KIF6: variants seen among roughly 807,000 people sequenced by gnomAD.
KIF6 encodes kinesin family member 6, also known as kinesin-like protein KIF6.
KIF6 carries 106 observed loss-of-function variants against 112.7 expected under a neutral mutation model. The observed-to-expected ratio is 0.94, with a 90% confidence interval of 0.80 to 1.11. KIF6 has a LOEUF of 1.11. Among genes scored for constraint, KIF6 ranks in the 50% least tolerant of loss-of-function variants. KIF6 has a pLI of 0.00. For missense variants in KIF6, 929 were observed against 964.0 expected, an observed-to-expected ratio of 0.96 and a Z score of 0.48; for synonymous variants, 339 against 339.9, an observed-to-expected ratio of 1.00 and a Z score of 0.03.
At chr6:39,555,189 TCTGGGGCTTTCCCCACCTCATGTCCTC>T (rs1372278577) in intron 10 of KIF6, among the ~76,000 whole-genome samples, 1 of 152,116 alleles carries the variant, frequency 6.6e-6, no homozygotes, top group Non-Finnish European at 1.5e-5. Context: ...CCTCTCCTTT[TCTGGGGCTTTCCCCACCTCATGTCCTC>T]CTGGAGCCCT....
chr6:39,532,914 C>T (rs1317423247), intron 13 of KIF6, among the ~76,000 whole-genome samples: 1 of 152,178 alleles, frequency 6.6e-6, no homozygotes, highest in Non-Finnish European at 1.5e-5. Context: ...CACCTGAGTG[C>T]ACATCATGCT....
chr6:39,473,765 TAGAG>T (rs1313906971), intron 13 of KIF6, among the ~76,000 whole-genome samples: 2 of 152,178 alleles, frequency 1.3e-5, no homozygotes, highest in Admixed American at 1.3e-4. Context: ...AAAAATGAAA[TAGAG>T]AGCAGGCTTA....
At chr6:39,519,938 C>T (rs1777294769) in intron 13 of KIF6, among the ~76,000 whole-genome samples, 1 of 152,184 alleles carries the variant, frequency 6.6e-6, no homozygotes, top group Non-Finnish European at 1.5e-5. Flanking sequence ...AAGAGAATCG[C>T]TTGAACCCGG....
At chr6:39,504,376 A>G (rs531918865) in intron 13 of KIF6, among the ~76,000 whole-genome samples, 1 of 152,322 alleles carries the variant, frequency 6.6e-6, no homozygotes, top group African/African-American at 2.4e-5. Context: ...TATATGACAG[A>G]CCCACAGACA....
intron 3 of KIF6, among the ~76,000 whole-genome samples, chr6:39,657,509 AAG>A (rs1197656535): frequency 6.6e-6 from 1 of 152,188 alleles, no homozygotes. Context: ...TAAATCTCCA[AAG>A]AGAGAATGGA....
chr6:39,383,855 T>C (rs79529754), intron 16 of KIF6, among the ~76,000 whole-genome samples: 7,285 of 152,298 alleles, frequency 0.048, 225 homozygotes, highest in Non-Finnish European at 0.05. Flanking sequence ...GGTGTCCTCA[T>C]AGAGATCTTT....
At chr6:39,436,433 T>G (rs1055885237) in intron 13 of KIF6, among the ~76,000 whole-genome samples, 3 of 152,112 alleles carry the variant, frequency 2.0e-5, no homozygotes, top group East Asian at 3.8e-4. Flanking sequence ...CAAGAATTCT[T>G]TGCCTAGTCC....
intron 6 of KIF6, among the ~76,000 whole-genome samples, chr6:39,609,312 G>A (rs1470197190): frequency 3.9e-5 from 6 of 152,138 alleles, no homozygotes; most frequent in Admixed American, 3.9e-4. Flanking sequence ...TCGGCACCGA[G>A]TGTTCCTTTC....
chr6:39,625,592 A>T (rs1259917063), intron 5 of KIF6, among the ~76,000 whole-genome samples: 1 of 152,172 alleles, frequency 6.6e-6, no homozygotes, highest in African/African-American at 2.4e-5. Context: ...AGTTAGCTTT[A>T]ACTTTGAGAT....
intron 6 of KIF6, among the ~76,000 whole-genome samples, chr6:39,599,922 A>C (rs1782483369): frequency 6.6e-6 from 1 of 152,206 alleles, no homozygotes; most frequent in Non-Finnish European, 1.5e-5. Flanking sequence ...TCTGTAATTA[A>C]AATGCAGTAA....
rs144122950 is a variant in KIF6, at chr6:39,500,307, C to T, written c.1645+39696G>A. On this transcript the variant is annotated intron_variant, in intron 13 of 22. Transcript: ENST00000287152. ...AAATTATTAAACGGAAAGACAGGTA[C>T]ACTTCACATCGGGAAAAGAAAGTCC... Among the ~76,000 whole-genome samples the T allele has an allele frequency of 4.9e-3, 747 of 152,262 alleles. 4 individuals are homozygous for T. Among genetic ancestry groups the T allele is most frequent in the African/African-American group, 0.017 (701 of 41,540 alleles).
intron 13 of KIF6, among the ~76,000 whole-genome samples, chr6:39,453,035 C>T (rs1772806285): frequency 6.6e-6 from 1 of 152,136 alleles, no homozygotes; most frequent in African/African-American, 2.4e-5. Flanking sequence ...CCAAGTTGCC[C>T]AAAGCTAGTT....
At chr6:39,708,064 A>T (rs926528764) in intron 3 of KIF6, among the ~76,000 whole-genome samples, 2 of 152,172 alleles carry the variant, frequency 1.3e-5, no homozygotes, top group Non-Finnish European at 2.9e-5. Context: ...TTGAAAGAGC[A>T]GGATCTCTTC....
intron 13 of KIF6, among the ~76,000 whole-genome samples, chr6:39,507,245 T>C (rs1776473013): frequency 6.6e-6 from 1 of 152,108 alleles, no homozygotes; most frequent in Non-Finnish European, 1.5e-5. Context: ...AGTGTCAGAA[T>C]TGAATTAAAT....
intron 10 of KIF6, among the ~76,000 whole-genome samples, chr6:39,549,814 A>C (rs915821629): frequency 1.3e-5 from 2 of 152,234 alleles, no homozygotes; most frequent in Non-Finnish European, 2.9e-5. Context: ...GCAGCAATTT[A>C]AGTGACGGCA....
intron 13 of KIF6, among the ~76,000 whole-genome samples, chr6:39,433,550 C>T (rs554684395): frequency 6.6e-6 from 1 of 152,256 alleles, no homozygotes; most frequent in Non-Finnish European, 1.5e-5. Flanking sequence ...AGGAACATAA[C>T]CTTGGTTTTC....
At chr6:39,421,382 T>C (rs944279022) in intron 14 of KIF6, among the ~76,000 whole-genome samples, 6 of 152,366 alleles carry the variant, frequency 3.9e-5, no homozygotes, top group African/African-American at 1.4e-4. Context: ...ATTTCAACTA[T>C]TTCCCCTCCT....
At chr6:39,353,882 C>A in intron 19 of KIF6, 1 of 557,660 alleles carries the variant, frequency 1.8e-6, no homozygotes, top group South Asian at 1.7e-5. Flanking sequence ...TGCTGTGTGC[C>A]AGTTCCTACT....
chr6:39,482,380 C>T (rs1362109422), intron 13 of KIF6, among the ~76,000 whole-genome samples: 1 of 152,098 alleles, frequency 6.6e-6, no homozygotes, highest in Non-Finnish European at 1.5e-5. Flanking sequence ...CACTTGAGTT[C>T]TCCAAGAGAA....
Sources: allele counts gnomAD v4.1 joint callset (sites outside exome capture counted in the v4.1 genomes callset), GRCh38; gene constraint gnomAD v4.1.1; transcripts MANE v1.5; gene names NCBI Gene and HGNC (gene_info 2026-07-23, HGNC 2026-07-21).